CNTNAP5: variants seen among roughly 807,000 people sequenced by gnomAD.
The protein encoded by CNTNAP5 is contactin-associated protein-like 5.
A neutral mutation model predicts 150.2 loss-of-function variants in CNTNAP5; 72 were observed. The observed-to-expected ratio is 0.48, with a 90% CI of 0.40 to 0.58. The LOEUF (loss-of-function observed/expected upper bound fraction) is 0.58, where lower values mean the gene tolerates loss of function less well. CNTNAP5 is among the 20% of genes least tolerant of loss of function. The pLI, the probability that CNTNAP5 is intolerant of heterozygous loss-of-function variation, is 0.00. For synonymous variants in CNTNAP5, 672 were observed against 619.8 expected, an observed-to-expected ratio of 1.08 and a Z score of -1.25; for missense variants, 1,636 against 1,626.2, an observed-to-expected ratio of 1.01 and a Z score of -0.10.
intron 12 of CNTNAP5, among the ~76,000 whole-genome samples, chr2:124,621,208 T>C: frequency 6.6e-6 from 1 of 152,310 alleles, no homozygotes; most frequent in African/African-American, 2.4e-5. Flanking sequence ...CTTTGTACAG[T>C]ACAATTGTAC....
intron 7 of CNTNAP5, among the ~76,000 whole-genome samples, chr2:124,496,930 TG>T (rs1284314399): frequency 6.6e-6 from 1 of 152,210 alleles, no homozygotes; most frequent in East Asian, 1.9e-4. Flanking sequence ...GCTACCTGGA[TG>T]TATAACCTCA....
At chr2:124,305,764 C>T (rs1211912639) in intron 3 of CNTNAP5, among the ~76,000 whole-genome samples, 1 of 152,156 alleles carries the variant, frequency 6.6e-6, no homozygotes, top group Admixed American at 6.5e-5. Context: ...AGCATGAAGG[C>T]TCTCACCATG....
At chr2:124,252,277 A>G (rs1469631930) in intron 3 of CNTNAP5, among the ~76,000 whole-genome samples, 1 of 152,166 alleles carries the variant, frequency 6.6e-6, no homozygotes, top group Non-Finnish European at 1.5e-5. Flanking sequence ...CACGTAATTT[A>G]AGGAAAGATC....
intron 19 of CNTNAP5, among the ~76,000 whole-genome samples, chr2:124,811,551 G>T (rs890291465): frequency 5.3e-5 from 8 of 152,090 alleles, no homozygotes; most frequent in African/African-American, 1.7e-4. Context: ...TGACTATGTG[G>T]ACAGTGGCAC....
intron 3 of CNTNAP5, among the ~76,000 whole-genome samples, chr2:124,341,181 A>G (rs188410382): frequency 1.2e-3 from 178 of 152,188 alleles, no homozygotes; most frequent in Admixed American, 3.0e-3. Flanking sequence ...TAAAACTTCT[A>G]TGGAGGAGTT....
chr2:124,683,613 T>G (rs558789376), intron 13 of CNTNAP5, among the ~76,000 whole-genome samples: 1 of 152,264 alleles, frequency 6.6e-6, no homozygotes, highest in Non-Finnish European at 1.5e-5. Context: ...TGCTGGCTTT[T>G]TAAATAAGGG....
chr2:124,690,461 T>C (rs181295143), intron 13 of CNTNAP5, among the ~76,000 whole-genome samples: 76 of 152,256 alleles, frequency 5.0e-4, no homozygotes, highest in African/African-American at 1.8e-3. Context: ...CAATACTTAA[T>C]AGTCTTCTAT....
intron 12 of CNTNAP5, among the ~76,000 whole-genome samples, chr2:124,613,368 G>A (rs115250225): frequency 0.027 from 4,180 of 152,218 alleles, 63 homozygotes; most frequent in African/African-American, 0.04. Context: ...CCAGAAGGCA[G>A]GAAAACCAAG....
chr2:124,845,753 G>A (rs1683035496), intron 19 of CNTNAP5, among the ~76,000 whole-genome samples: 1 of 151,846 alleles, frequency 6.6e-6, no homozygotes. Context: ...ATCTCCTCTA[G>A]GTTCTCTAGT....
chr2:124,110,237 C>T (rs1365413410), intron 1 of CNTNAP5, among the ~76,000 whole-genome samples: 1 of 152,144 alleles, frequency 6.6e-6, no homozygotes, highest in African/African-American at 2.4e-5. Flanking sequence ...GTATGGACTG[C>T]TCCTTTTGTA....
intron 13 of CNTNAP5, among the ~76,000 whole-genome samples, chr2:124,655,124 C>A (rs1353118228): frequency 6.6e-6 from 1 of 152,050 alleles, no homozygotes; most frequent in Non-Finnish European, 1.5e-5. Flanking sequence ...AGGTATTTGT[C>A]CTAATGCTCT....
chr2:124,640,290 T>C (rs183914289), intron 12 of CNTNAP5, among the ~76,000 whole-genome samples: 1 of 152,078 alleles, frequency 6.6e-6, no homozygotes, highest in African/African-American at 2.4e-5. Flanking sequence ...AAAAGATACA[T>C]AAAAAGTAAA....
At chr2:124,564,112 C>T (rs1395880776) in intron 11 of CNTNAP5, among the ~76,000 whole-genome samples, 1 of 152,030 alleles carries the variant, frequency 6.6e-6, no homozygotes, top group East Asian at 1.9e-4. Flanking sequence ...GAAACAAAAA[C>T]AAGAAAGAAA....
intron 3 of CNTNAP5, among the ~76,000 whole-genome samples, chr2:124,332,735 A>C (rs1573921864): frequency 6.6e-6 from 1 of 152,072 alleles, no homozygotes; most frequent in African/African-American, 2.4e-5. Flanking sequence ...CTAAACTTTT[A>C]TTCCAGTTAC....
At chr2:124,754,066 G>A (rs372020201) in intron 14 of CNTNAP5, among the ~76,000 whole-genome samples, 4 of 152,174 alleles carry the variant, frequency 2.6e-5, no homozygotes, top group African/African-American at 7.2e-5. Context: ...GAATTTTGCT[G>A]TTTCCTCACC....
At chr2:124,722,499 T>C (rs924493012) in intron 13 of CNTNAP5, among the ~76,000 whole-genome samples, 3 of 152,130 alleles carry the variant, frequency 2.0e-5, no homozygotes, top group African/African-American at 7.2e-5. Context: ...AATCCTAGTA[T>C]GGCAAATTTT....
chr2:124,871,495 C>A (rs1166042574), intron 21 of CNTNAP5, among the ~76,000 whole-genome samples: 1 of 152,046 alleles, frequency 6.6e-6, no homozygotes, highest in Admixed American at 6.6e-5. Flanking sequence ...AGGATGCCAG[C>A]TTGAAATCAG....
chr2:124,339,243 A>G (rs2104689792), intron 3 of CNTNAP5, among the ~76,000 whole-genome samples: 1 of 152,302 alleles, frequency 6.6e-6, no homozygotes, highest in East Asian at 1.9e-4. Context: ...CAGTAAAAAC[A>G]CATTCTTTAA....
At chr2:124,683,945 C>A (rs930995574) in intron 13 of CNTNAP5, among the ~76,000 whole-genome samples, 1 of 152,120 alleles carries the variant, frequency 6.6e-6, no homozygotes, top group Non-Finnish European at 1.5e-5. Flanking sequence ...CCACCTTGGA[C>A]AATTCATTTT....
Sources: gnomAD v4.1 joint callset for allele counts (sites outside exome capture counted in the v4.1 genomes callset) on GRCh38, gnomAD v4.1.1 for gene constraint, MANE v1.5 for transcripts, NCBI Gene and HGNC (gene_info 2026-07-23, HGNC 2026-07-21) for gene names.